The following RET variants were observed in gnomAD, a reference collection of about 807,000 sequenced individuals.
The protein encoded by RET is ret proto-oncogene, also known as proto-oncogene tyrosine-protein kinase receptor Ret.
RET carries 19 observed loss-of-function variants against 118.3 expected under a neutral mutation model. The observed-to-expected ratio is 0.16, with a 90% CI of 0.11 to 0.24. The LOEUF is 0.24. Ranked by LOEUF, RET falls within the 10% of genes least tolerant of loss-of-function variation. The pLI is 1.00. For missense variants in RET, 1,219 were observed against 1,502.1 expected, an observed-to-expected ratio of 0.81 and a Z score of 3.12; for synonymous variants, 597 against 644.1, an observed-to-expected ratio of 0.93 and a Z score of 1.11.
At chr10:43,097,409 C>G (rs1299872160) in intron 1 of RET, among the ~76,000 whole-genome samples, 1 of 152,172 alleles carries the variant, frequency 6.6e-6, no homozygotes, top group Non-Finnish European at 1.5e-5. Flanking sequence ...CCAGAGAAAA[C>G]TAGACCCAGC....
intron 1 of RET, among the ~76,000 whole-genome samples, chr10:43,094,357 G>A (rs909159670): frequency 1.3e-5 from 2 of 152,200 alleles, no homozygotes; most frequent in Non-Finnish European, 2.9e-5. Context: ...GCAGGCGTGG[G>A]GCTGGTGTCG....
chr10:43,093,886 C>T (rs1292460143), intron 1 of RET, among the ~76,000 whole-genome samples: 3 of 151,902 alleles, frequency 2.0e-5, no homozygotes, highest in South Asian at 2.1e-4. Flanking sequence ...GAAGGCCAGG[C>T]GCAGGCTCCT....
intron 4 of RET, among the ~76,000 whole-genome samples, chr10:43,105,567 G>A (rs1049038506): frequency 6.6e-6 from 1 of 152,192 alleles, no homozygotes; most frequent in African/African-American, 2.4e-5. Flanking sequence ...GAGCAGAGCC[G>A]GGGATTGGAG....
chr10:43,090,660 T>C (rs1837391518), intron 1 of RET, among the ~76,000 whole-genome samples: 1 of 152,148 alleles, frequency 6.6e-6, no homozygotes, highest in South Asian at 2.1e-4. Flanking sequence ...CAGGCCACTT[T>C]ATTATTATTT....
intron 19 of RET, 104 bp downstream of exon 19, chr10:43,126,826 C>T (rs1158223602): frequency 2.0e-6 from 3 of 1,528,404 alleles, no homozygotes; most frequent in African/African-American, 1.4e-5. Flanking sequence ...CTGAACAAAA[C>T]CAAAGTCTGC....
At chr10:43,125,076 A>AG in intron 18 of RET, 94 bp downstream of exon 18, 1 of 1,118,884 alleles carries the variant, frequency 8.9e-7, no homozygotes, top group Non-Finnish European at 1.3e-6. Context: ...CAGAGTTCCC[A>AG]GTGTGGGGCC....
Position 43,114,816 on chromosome 10 carries a change from G to A in RET, c.2136+80G>A, listed in dbSNP as rs899109166. On this transcript the variant is annotated intron_variant, in intron 11 of 19. Transcript: ENST00000355710. The surrounding 1 kb of genome is among the most constrained non-coding windows in gnomAD (Gnocchi z 4.6). ...GGGAGGGAGGCCAGCTGGGGAGACA[G>A]AGGCCATCCTGTGAGGGGCTGCCAA... is the stretch of plus-strand genomic sequence containing the variant. 83 of 1,466,984 alleles carry A rather than the reference G, an allele frequency of 5.7e-5. No homozygotes were observed. Among genetic ancestry groups the A allele is most frequent in the Non-Finnish European group, 6.5e-5 (71 of 1,096,184 alleles). 90.9% of individuals were successfully genotyped at this position (1,466,984 alleles called of 1,614,324 possible).
At chr10:43,086,186 G>A (rs2132555477) in intron 1 of RET, among the ~76,000 whole-genome samples, 1 of 152,224 alleles carries the variant, frequency 6.6e-6, no homozygotes, top group East Asian at 1.9e-4. Context: ...AGCTAGTGCT[G>A]CCTCATTTTC....
chr10:43,100,630 A>G lies in RET; in HGVS notation c.245A>G (p.Glu82Gly). ...GGCACGTACCGCACACGGCTGCATGAGAACAACTGGATCTGCATCCAGGAG... is the reference window on the plus strand; with the variant it reads ...GGCACGTACCGCACACGGCTGCATGGGAACAACTGGATCTGCATCCAGGAG... ...LYGTYRTRLHENNWICIQEDT... is the reference protein window; with the variant it reads ...LYGTYRTRLHGNNWICIQEDT... The change falls in exon 2 of 20, where the codon GAG becomes GGG. Residue 82 changes from glutamate (E) to glycine (G), a missense_variant. This residue lies in a region of RET where 84 missense variants were observed against 163.6 expected (regional missense o/e 0.51). Coordinates refer to ENST00000355710, the MANE Select transcript of RET (RefSeq NM_020975.6). 1 of 1,613,828 alleles carries G rather than the reference A, an allele frequency of 6.2e-7. No individual in the cohort carries two copies. The highest frequency in any genetic ancestry group is 8.5e-7 in the Non-Finnish European group (1 of 1,179,964).
chr10:43,103,881 C>T (rs12570104), intron 3 of RET, among the ~76,000 whole-genome samples: 2 of 152,196 alleles, frequency 1.3e-5, no homozygotes, highest in Non-Finnish European at 2.9e-5. Flanking sequence ...TGTGGAGTTG[C>T]CCCCGCCTCC....
At chr10:43,094,128 G>A (rs949668491) in intron 1 of RET, among the ~76,000 whole-genome samples, 3 of 152,020 alleles carry the variant, frequency 2.0e-5, no homozygotes, top group East Asian at 3.9e-4. Flanking sequence ...CACATCCTGA[G>A]AGGATAACAG....
chr10:43,124,445 C>T (rs1463682963), intron 17 of RET, among the ~76,000 whole-genome samples: 1 of 152,248 alleles, frequency 6.6e-6, no homozygotes, highest in African/African-American at 2.4e-5. Flanking sequence ...GCAGGACAGA[C>T]GTGTGATTGC....
chr10:43,121,655 C>A (rs1038882367), intron 15 of RET, among the ~76,000 whole-genome samples: 12 of 152,158 alleles, frequency 7.9e-5, no homozygotes, highest in African/African-American at 2.7e-4. Flanking sequence ...CAGGCCCATG[C>A]ATAGGGAAGC....
At chr10:43,122,601 T>G (rs1294745741) in intron 16 of RET, among the ~76,000 whole-genome samples, 1 of 151,982 alleles carries the variant, frequency 6.6e-6, no homozygotes, top group African/African-American at 2.4e-5. Flanking sequence ...AGGTGTGATG[T>G]GCCTCTCTTT....
chr10:43,099,687 C>T (rs927453714), intron 1 of RET, among the ~76,000 whole-genome samples: 6 of 152,326 alleles, frequency 3.9e-5, no homozygotes, highest in Admixed American at 3.9e-4. Context: ...GTGGCCCTTC[C>T]CAATCTGTCC....
rs145798106 is a variant in RET at position 43,124,931 on chromosome 10, G to A, written c.2988G>A (p.Pro996=). Residue 996 remains proline (P), a synonymous_variant, in exon 18 of 20, where the codon CCG becomes CCA. Coordinates refer to ENST00000355710, the MANE Select transcript of RET (RefSeq NM_020975.6). ...GGAAGCAGGAGCCGGACAAAAGGCC[G>A]GTGTTTGCGGACATCAGCAAAGACC... ...QCWKQEPDKR[P]VFADISKDLE... is the part of the protein sequence containing the mutation. 1.1e-4 allele frequency: 172 copies of A among 1,614,092 alleles called. 1 individual carries two copies. Among genetic ancestry groups the A allele is most frequent in the South Asian group, 4.1e-4 (37 of 91,082 alleles).
In RET at chr10:43,106,690, C is replaced by T; in HGVS notation, c.1063+119C>T. ...TGGCATGGCCCTCTGTGGCCCAAGC[C>T]ACTTCCCCTCCACCCTCTGCCCAGC... On this transcript the variant is annotated intron_variant, in intron 5 of 19. Transcript: ENST00000355710. The surrounding 1 kb of genome is among the most constrained non-coding windows in gnomAD (Gnocchi z 5.1). The T allele has an allele frequency of 9.6e-7, 1 of 1,037,344 alleles. No homozygotes were observed. The highest frequency in any genetic ancestry group is 1.4e-6 in the Non-Finnish European group (1 of 697,078). 64.3% of individuals were successfully genotyped at this position (1,037,344 alleles called of 1,614,324 possible). A position where few individuals can be genotyped will look rare whatever the true frequency, so the allele number is the denominator to read the frequency against.
chr10:43,077,900 A>G (rs1056967563), intron 1 of RET, among the ~76,000 whole-genome samples: 5 of 152,130 alleles, frequency 3.3e-5, no homozygotes, highest in Admixed American at 3.3e-4. Flanking sequence ...GTCTTTAAAC[A>G]CCTAAAAACC....
At chr10:43,098,832 G>A (rs371938122) in intron 1 of RET, among the ~76,000 whole-genome samples, 1 of 152,138 alleles carries the variant, frequency 6.6e-6, no homozygotes, top group Non-Finnish European at 1.5e-5. Flanking sequence ...TTTGTCTATC[G>A]TGAATAGTGC....
Sources: gnomAD v4.1 joint callset for allele counts (sites outside exome capture counted in the v4.1 genomes callset) on GRCh38, gnomAD v4.1.1 for gene constraint, gnomAD v4.1.1 regional missense constraint, Gnocchi (gnomAD v3.1) non-coding constraint, MANE v1.5 for transcripts, NCBI Gene and HGNC (gene_info 2026-07-23, HGNC 2026-07-21) for gene names.